The following CTNND2 variants were observed in gnomAD, a reference collection of about 807,000 sequenced individuals.
CTNND2 encodes catenin delta 2.
Under a neutral mutation model 144.4 loss-of-function variants are expected in CTNND2, and 22 were observed. That is an observed-to-expected ratio of 0.15 (90% CI 0.11 to 0.22). The LOEUF (loss-of-function observed/expected upper bound fraction) is 0.22. CTNND2 is among the 10% of genes least tolerant of loss of function. The pLI is 1.00. For synonymous variants in CTNND2, 751 were observed against 695.6 expected (o/e 1.08, Z -1.25); for missense variants, 1,353 against 1,618.8 (o/e 0.84, Z 2.82).
At chr5:11,480,646 A>ATATGTG (rs987450261) in intron 3 of CTNND2, among the ~76,000 whole-genome samples, 1 of 149,056 alleles carries the variant, frequency 6.7e-6, no homozygotes, top group African/African-American at 2.5e-5. Flanking sequence ...AAATACATAT[A>ATATGTG]TGTGTGTGTG....
chr5:11,303,999 C>T (rs1193502296), intron 9 of CTNND2, among the ~76,000 whole-genome samples: 1 of 151,446 alleles, frequency 6.6e-6, no homozygotes, highest in African/African-American at 2.4e-5. Flanking sequence ...GGTTCTCATT[C>T]TCTCTCTTGC....
At chr5:11,404,971 A>G (rs947392796) in intron 5 of CTNND2, among the ~76,000 whole-genome samples, 2 of 152,112 alleles carry the variant, frequency 1.3e-5, no homozygotes, top group African/African-American at 4.8e-5. Flanking sequence ...TGTGTTACTG[A>G]GAGAGTCCTC....
chr5:11,073,334 T>C (rs1675505202), intron 16 of CTNND2, among the ~76,000 whole-genome samples: 1 of 152,236 alleles, frequency 6.6e-6, no homozygotes, highest in Middle Eastern at 3.2e-3. Context: ...ATGCATCCTC[T>C]TTTCTAAAGC....
chr5:11,172,678 C>T (rs531892173), intron 11 of CTNND2, among the ~76,000 whole-genome samples: 11 of 152,234 alleles, frequency 7.2e-5, no homozygotes, highest in Non-Finnish European at 1.2e-4. Context: ...GGATGGAGAG[C>T]GCCAATGGGG....
intron 1 of CTNND2, among the ~76,000 whole-genome samples, chr5:11,770,125 A>G (rs4276406): frequency 0.98 from 148,972 of 152,266 alleles, 72,948 homozygotes; most frequent in East Asian, 1. Flanking sequence ...TAGGATAAGG[A>G]AAGTCATTGA....
At chr5:11,152,640 G>A (rs1282502771) in intron 12 of CTNND2, among the ~76,000 whole-genome samples, 2 of 152,192 alleles carry the variant, frequency 1.3e-5, no homozygotes, top group Admixed American at 6.5e-5. Flanking sequence ...TTGCACCACA[G>A]GAGACCCGAG....
intron 12 of CTNND2, among the ~76,000 whole-genome samples, chr5:11,131,399 G>C (rs977578735): frequency 2.0e-5 from 3 of 152,182 alleles, no homozygotes; most frequent in Admixed American, 1.3e-4. Flanking sequence ...AGGGTTTATA[G>C]ATTATTGGCT....
chr5:11,303,456 T>C (rs1749819475), intron 9 of CTNND2, among the ~76,000 whole-genome samples: 1 of 152,198 alleles, frequency 6.6e-6, no homozygotes, highest in South Asian at 2.1e-4. Context: ...GTTTCCTCCT[T>C]CTATAAAACA....
At chr5:11,589,132 G>A (rs1779071782) in intron 2 of CTNND2, 5 of 606,434 alleles carry the variant, frequency 8.2e-6, no homozygotes, top group Non-Finnish European at 1.0e-5. Flanking sequence ...TGGCAACAGT[G>A]AATTTAGACC....
chr5:11,687,769 G>A (rs906930794), intron 2 of CTNND2, among the ~76,000 whole-genome samples: 21 of 152,172 alleles, frequency 1.4e-4, no homozygotes, highest in Admixed American at 6.5e-4. Context: ...ATAATACACA[G>A]TGTGTTGGAA....
At chr5:11,713,275 C>T (rs1460284067) in intron 2 of CTNND2, among the ~76,000 whole-genome samples, 1 of 152,066 alleles carries the variant, frequency 6.6e-6, no homozygotes, top group African/African-American at 2.4e-5. Flanking sequence ...TTAGCACCTA[C>T]CTATATTAGA....
intron 1 of CTNND2, among the ~76,000 whole-genome samples, chr5:11,744,360 C>G (rs1051347787): frequency 6.6e-6 from 1 of 152,132 alleles, no homozygotes; most frequent in Non-Finnish European, 1.5e-5. Context: ...AGATGCGCGA[C>G]GGCCAAGCAA....
intron 1 of CTNND2, among the ~76,000 whole-genome samples, chr5:11,733,015 C>A (rs1162470567): frequency 6.6e-6 from 1 of 152,168 alleles, no homozygotes; most frequent in Non-Finnish European, 1.5e-5. Context: ...GAAAGTGGCA[C>A]ATCGGGAGGG....
chr5:11,026,548 G>C (rs1192527833), intron 16 of CTNND2, among the ~76,000 whole-genome samples: 5 of 151,584 alleles, frequency 3.3e-5, no homozygotes, highest in Non-Finnish European at 7.4e-5. Context: ...GTATAGATGG[G>C]GTTTCACCAT....
intron 1 of CTNND2, among the ~76,000 whole-genome samples, chr5:11,798,742 G>A (rs1791530967): frequency 6.6e-6 from 1 of 152,150 alleles, no homozygotes; most frequent in South Asian, 2.1e-4. Context: ...ACTCTAGCCT[G>A]GGGACAGAGT....
chr5:11,467,684 G>C (rs191502159), intron 3 of CTNND2, among the ~76,000 whole-genome samples: 1 of 152,270 alleles, frequency 6.6e-6, no homozygotes, highest in Non-Finnish European at 1.5e-5. Flanking sequence ...ATTTTACTTA[G>C]AGAAATTTTA....
intron 9 of CTNND2, among the ~76,000 whole-genome samples, chr5:11,292,157 C>A (rs191922054): frequency 2.0e-5 from 3 of 152,252 alleles, no homozygotes; most frequent in African/African-American, 7.2e-5. Flanking sequence ...ACAACAATAA[C>A]AAACCTTACA....
At chr5:11,730,635 C>G (rs1376444921) in intron 2 of CTNND2, among the ~76,000 whole-genome samples, 8 of 152,146 alleles carry the variant, frequency 5.3e-5, no homozygotes, top group Admixed American at 3.3e-4. Context: ...GCCAAAGAAA[C>G]AAACAACCAG....
At chr5:11,000,679 G>T (rs1739862238) in intron 18 of CTNND2, among the ~76,000 whole-genome samples, 1 of 152,212 alleles carries the variant, frequency 6.6e-6, no homozygotes, top group Admixed American at 6.5e-5. Context: ...TGTCTCAGCA[G>T]ATAGAGAGGT....
Sources: gnomAD v4.1 joint callset for allele counts (sites outside exome capture counted in the v4.1 genomes callset) on GRCh38, gnomAD v4.1.1 for gene constraint, MANE v1.5 for transcripts, NCBI Gene and HGNC (gene_info 2026-07-23, HGNC 2026-07-21) for gene names.